The following ZNF385D variants were observed in gnomAD, a reference collection of about 807,000 sequenced individuals.
The protein encoded by ZNF385D is zinc finger protein 385D.
ZNF385D carries 15 observed loss-of-function variants against 35.8 expected under a neutral mutation model. The observed-to-expected ratio is 0.42, with a 90% CI of 0.28 to 0.64. The LOEUF (loss-of-function observed/expected upper bound fraction) is 0.64. ZNF385D is among the 30% of genes least tolerant of loss of function. The probability of loss-of-function intolerance (pLI) is 0.23; values close to 1 mark genes in which losing one functional copy is unlikely to be tolerated. For missense variants in ZNF385D, 474 were observed against 494.6 expected, an observed-to-expected ratio of 0.96 and a Z score of 0.39; for synonymous variants, 212 against 186.8, an observed-to-expected ratio of 1.13 and a Z score of -1.10.
intron 3 of ZNF385D, among the ~76,000 whole-genome samples, chr3:21,890,634 A>C (rs988590922): frequency 3.0e-4 from 45 of 151,532 alleles, no homozygotes; most frequent in African/African-American, 1.0e-3. Context: ...AGAAAATAAA[A>C]GAGAAGAGAA....
intron 2 of ZNF385D, among the ~76,000 whole-genome samples, chr3:22,323,015 T>A (rs1440685550): frequency 6.6e-6 from 1 of 152,128 alleles, no homozygotes; most frequent in Non-Finnish European, 1.5e-5. Context: ...GTAACCGTAC[T>A]CCTGAAAACG....
chr3:21,873,331 A>C (rs1404887902), intron 3 of ZNF385D, among the ~76,000 whole-genome samples: 1 of 152,112 alleles, frequency 6.6e-6, no homozygotes, highest in Non-Finnish European at 1.5e-5. Flanking sequence ...TTTACAGATA[A>C]ATAAATCTCA....
chr3:22,216,374 C>T (rs370141981), intron 2 of ZNF385D, among the ~76,000 whole-genome samples: 21 of 152,044 alleles, frequency 1.4e-4, no homozygotes, highest in Middle Eastern at 3.4e-3. Flanking sequence ...GCTATGGGAA[C>T]GCAGAAGACT....
chr3:22,106,080 A>G (rs767104767), intron 3 of ZNF385D, among the ~76,000 whole-genome samples: 2 of 152,038 alleles, frequency 1.3e-5, no homozygotes, highest in Non-Finnish European at 2.9e-5. Flanking sequence ...GGACTCTGAA[A>G]CTCTGACTTC....
intron 3 of ZNF385D, among the ~76,000 whole-genome samples, chr3:21,976,926 T>G (rs965803676): frequency 3.3e-5 from 5 of 152,154 alleles, no homozygotes; most frequent in African/African-American, 1.2e-4. Flanking sequence ...AGGCGGAGGT[T>G]GCAGTGAGCC....
At position 22,092,446 on chromosome 3, in the gene ZNF385D, C is replaced by G. The variant is rs1031752282; in HGVS notation, c.325+76371G>C. On this transcript the variant is annotated intron_variant, in intron 3 of 5. Transcript: ENST00000494108. ...GAAACCCCATCAGTTGCCTTCATGA[C>G]AGAGTGCTGCTTGTATGACACCTAT... Among the ~76,000 whole-genome samples, 7 of 152,274 alleles carry G rather than the reference C, an allele frequency of 4.6e-5. No homozygotes were observed. In the South Asian group the frequency reaches 1.5e-3, roughly 32 times the overall value.
intron 2 of ZNF385D, among the ~76,000 whole-genome samples, chr3:21,654,623 T>G (rs1291685946): frequency 1.3e-5 from 2 of 152,038 alleles, no homozygotes; most frequent in Non-Finnish European, 2.9e-5. Flanking sequence ...GGACCAGCCC[T>G]ACCCCCATCA....
intron 3 of ZNF385D, among the ~76,000 whole-genome samples, chr3:21,778,270 G>T (rs1237429414): frequency 6.6e-6 from 1 of 151,792 alleles, no homozygotes; most frequent in African/African-American, 2.4e-5. Context: ...TCATTTACTG[G>T]CTTTTAAAGA....
At chr3:22,168,488 A>G (rs2125756921) in intron 3 of ZNF385D, 1 of 152,316 alleles carries the variant, frequency 6.6e-6, no homozygotes, top group East Asian at 1.9e-4. Flanking sequence ...ATAAAAAACA[A>G]AAACCCACTG....
At chr3:22,351,403 G>T (rs749254181) in intron 2 of ZNF385D, among the ~76,000 whole-genome samples, 3 of 151,790 alleles carry the variant, frequency 2.0e-5, no homozygotes, top group African/African-American at 7.3e-5. Flanking sequence ...CAAAGACAAG[G>T]GATACTAAGA....
intron 3 of ZNF385D, among the ~76,000 whole-genome samples, chr3:21,871,410 T>G (rs973338297): frequency 1.1e-4 from 17 of 152,290 alleles, no homozygotes; most frequent in African/African-American, 3.8e-4. Context: ...TATTGAAAAT[T>G]TAAAATTATG....
chr3:22,185,276 T>C (rs1403873633), intron 2 of ZNF385D, among the ~76,000 whole-genome samples: 2 of 152,128 alleles, frequency 1.3e-5, no homozygotes. Flanking sequence ...AATGGCATAA[T>C]AGGCAAATGT....
At chr3:21,936,272 A>C (rs1701253845) in intron 3 of ZNF385D, among the ~76,000 whole-genome samples, 1 of 152,170 alleles carries the variant, frequency 6.6e-6, no homozygotes, top group Non-Finnish European at 1.5e-5. Flanking sequence ...TAAAGAGAGA[A>C]GATAAATGCG....
At chr3:21,970,893 C>T (rs1167900246) in intron 3 of ZNF385D, among the ~76,000 whole-genome samples, 3 of 151,576 alleles carry the variant, frequency 2.0e-5, no homozygotes, top group African/African-American at 7.3e-5. Context: ...CTTTACAGGC[C>T]AGGAGAGAGT....
At chr3:22,095,894 G>A (rs1701596167) in intron 3 of ZNF385D, among the ~76,000 whole-genome samples, 1 of 151,612 alleles carries the variant, frequency 6.6e-6, no homozygotes, top group Non-Finnish European at 1.5e-5. Flanking sequence ...CTTGTATCAT[G>A]GAGGTGATAT....
chr3:21,631,325 C>G (rs2065275035), intron 2 of ZNF385D, among the ~76,000 whole-genome samples: 1 of 151,852 alleles, frequency 6.6e-6, no homozygotes, highest in African/African-American at 2.4e-5. Context: ...TTATAGCAAT[C>G]AATATTTCCA....
chr3:22,267,756 G>T (rs1466584874), intron 2 of ZNF385D, among the ~76,000 whole-genome samples: 1 of 151,848 alleles, frequency 6.6e-6, no homozygotes, highest in Non-Finnish European at 1.5e-5. Flanking sequence ...TATTTGGATT[G>T]CATTTCATCT....
At chr3:21,920,617 A>C (rs1700409000) in intron 3 of ZNF385D, among the ~76,000 whole-genome samples, 1 of 64,110 alleles carries the variant, frequency 1.6e-5, no homozygotes, top group Non-Finnish European at 3.4e-5. Context: ...ATGATGATAC[A>C]ATGCCAAAAA....
intron 2 of ZNF385D, among the ~76,000 whole-genome samples, chr3:22,311,005 C>A (rs1043652431): frequency 1.3e-5 from 2 of 151,184 alleles, no homozygotes; most frequent in African/African-American, 2.4e-5. Context: ...TAGTATCATA[C>A]GATGAATTGA....
Sources: gnomAD v4.1 joint callset for allele counts (sites outside exome capture counted in the v4.1 genomes callset) on GRCh38, gnomAD v4.1.1 for gene constraint, MANE v1.5 for transcripts, NCBI Gene and HGNC (gene_info 2026-07-23, HGNC 2026-07-21) for gene names.